The following ST6GALNAC1 variants were observed in gnomAD, a reference collection of about 807,000 sequenced individuals.
ST6GALNAC1 encodes alpha-N-acetylgalactosaminide alpha-2,6-sialyltransferase 1.
A neutral mutation model predicts 56.8 loss-of-function variants in ST6GALNAC1; 45 were observed. The observed-to-expected ratio is 0.79, with a 90% confidence interval of 0.62 to 1.02. The LOEUF (loss-of-function observed/expected upper bound fraction) is 1.02, where lower values mean the gene tolerates loss of function less well. Ranked by LOEUF, ST6GALNAC1 falls within the 50% of genes least tolerant of loss-of-function variation. ST6GALNAC1 has a pLI of 0.00. For missense variants in ST6GALNAC1, 743 were observed against 754.8 expected (o/e 0.98, Z 0.18); for synonymous variants, 295 against 297.8 (o/e 0.99, Z 0.10).
rs763735455 is a variant in ST6GALNAC1, at chr17:76,627,569, A to G, written c.846T>C (p.Ser282=). 6.2e-7 allele frequency: 1 copy of G among 1,614,126 alleles called. No homozygotes were observed. The highest frequency in any genetic ancestry group is 1.1e-5 in the South Asian group (1 of 91,074). The change falls in exon 3 of 9, where the codon TCT becomes TCC. Residue 282 remains serine, a synonymous_variant. Transcript: ENST00000156626. This position sits in a 1 kb window ranked among gnomAD's most constrained non-coding sequence, Gnocchi z 4.4. ...GCGACTTGGAGGCTTTGATCTTCAC[A>G]GAGTCAGGGCAAGTCTATATACAGG... The part of the protein sequence containing the change: ...IGGLQTTCPD[S]VKIKASKSLW...
chr17:76,639,841 G>A (rs1468072410), intron 1 of ST6GALNAC1, among the ~76,000 whole-genome samples: 2 of 151,820 alleles, frequency 1.3e-5, no homozygotes, highest in Non-Finnish European at 2.9e-5. Context: ...GGAGAGAGGC[G>A]GGCAGTAAAA....
chr17:76,626,847 G>A, intron 4 of ST6GALNAC1, 58 bp from the exon 5 acceptor site: 1 of 1,596,928 alleles, frequency 6.3e-7, no homozygotes, highest in Non-Finnish European at 8.6e-7. Flanking sequence ...GATTTGTGTA[G>A]GTGGATGGGG....
chr17:76,637,167 A>G (rs62085072), intron 1 of ST6GALNAC1, among the ~76,000 whole-genome samples: 46,896 of 149,918 alleles, frequency 0.31, 8,023 homozygotes, highest in East Asian at 0.57. Flanking sequence ...GGAAAACCAG[A>G]GACCTTTGTT....
At position 76,628,318 on chromosome 17, in the gene ST6GALNAC1, G is replaced by A. The variant is rs893646369; in HGVS notation, c.831+694C>T. 2.3e-5 allele frequency among the ~76,000 whole-genome samples: 3 copies of A among 131,690 alleles called. No individual in the cohort carries two copies. The East Asian group carries it at 7.4e-4, about 33-fold the overall frequency. The allele number at this position is 131,690 out of a possible 152,430, so 86.4% of individuals were successfully genotyped here. On this transcript the variant is annotated intron_variant, in intron 2 of 8. Coordinates refer to ENST00000156626, the MANE Select transcript of ST6GALNAC1 (RefSeq NM_018414.5). ...TCTTTCCTTCCTTCCTTCCGACAGG[G>A]TCTCACTCTGTTGCCCAGGCGGGAG...
At chr17:76,624,213 C>CTATTTATT (rs781114561), downstream of ST6GALNAC1, among the ~76,000 whole-genome samples, 1 of 151,878 alleles carries the variant, frequency 6.6e-6, no homozygotes, top group African/African-American at 2.4e-5. Flanking sequence ...GTCCTTTATT[C>CTATTTATT]TATTTATTTA....
intron 1 of ST6GALNAC1, among the ~76,000 whole-genome samples, chr17:76,636,326 G>T (rs751871435): frequency 2.0e-5 from 3 of 152,120 alleles, no homozygotes; most frequent in Non-Finnish European, 4.4e-5. Flanking sequence ...AAGTTATGAG[G>T]GGGAAGGACT....
rs1296633228 is a variant in ST6GALNAC1, at chr17:76,629,480, C to A, written c.363G>T (p.Arg121Ser). 1.2e-6 allele frequency: 2 copies of A among 1,614,054 alleles called. No homozygotes were observed. The highest frequency in any genetic ancestry group is 3.3e-5 in the Admixed American group (2 of 60,012). Reference sequence around the variant, plus strand: ...CTTTTTCTGGGCTCTTCCATGCTGCCCTCTGTGCTGTGTGGGGCACCTTGT... The same window carrying A: ...CTTTTTCTGGGCTCTTCCATGCTGCACTCTGTGCTGTGTGGGGCACCTTGT... ...EQDKVPHTAQRAAWKSPEKEK... is the reference protein window; with the variant it reads ...EQDKVPHTAQSAAWKSPEKEK... Residue 121 changes from arginine (R) to serine (S), a missense_variant, in exon 2 of 9, where the codon AGG becomes AGT. Physicochemically the swap from Arg to Ser is moderately radical, Grantham distance 110. Transcript: ENST00000156626.
chr17:76,643,530 C>T lies in ST6GALNAC1; in HGVS notation c.109G>A (p.Glu37Lys), dbSNP rs2076075674. ...FLFALPSFIK[E>K]PQTKPSRHQR... ...TACCTGGAAGGCTTTGTTTGAGGCT[C>T]CTTAATAAAAGAGGGCAAGGCGAAG... The change falls in exon 1 of 9, where the codon GAG (glutamate) becomes AAG (lysine). Residue 37 changes from glutamate to lysine, a missense_variant. Glu to Lys is a moderately conservative substitution (Grantham distance 56, BLOSUM62 1). Transcript: ENST00000156626. The T allele has an allele frequency of 6.2e-7, 1 of 1,614,078 alleles. No individual in the cohort carries two copies. The highest frequency in any genetic ancestry group is 8.5e-7 in the Non-Finnish European group (1 of 1,179,984).
chr17:76,620,757 A>G (rs1398891893), downstream of ST6GALNAC1, among the ~76,000 whole-genome samples: 1 of 150,524 alleles, frequency 6.6e-6, no homozygotes, highest in African/African-American at 2.4e-5. Flanking sequence ...TTTAATTTTT[A>G]TTTTGTATTT....
the ST6GALNAC1 span, among the ~76,000 whole-genome samples, chr17:76,618,090 G>C: frequency 6.6e-6 from 1 of 152,150 alleles, no homozygotes; most frequent in African/African-American, 2.4e-5. Flanking sequence ...AGCAGCCAAG[G>C]TTTCCCCGTT....
rs1185397892 is a variant in ST6GALNAC1 at position 76,629,404 on chromosome 17, C to A, written c.439G>T (p.Ala147Ser). 1.2e-6 allele frequency: 2 copies of A among 1,614,052 alleles called. No homozygotes were observed. The highest frequency in any genetic ancestry group is 1.7e-6 in the Non-Finnish European group (2 of 1,180,028). The change falls in exon 2 of 9, where the codon GCC becomes TCC. Residue 147 changes from alanine (A) to serine (S), a missense_variant. By Grantham distance (99) the Ala-to-Ser change is moderately conservative. Transcript: ENST00000156626. ...LSPRGQDAGM[A>S]SGRTEAQSWK... ...GATTGTGCCTCTGTCCTGCCAGAGG[C>A]CATCCCTGCATCTTGCCCTCTGGGT... is the stretch of plus-strand genomic sequence containing the variant.
In ST6GALNAC1 at chr17:76,627,295, C is replaced by T; in HGVS notation, c.1001-57G>A. The T allele has an allele frequency of 6.4e-7, 1 of 1,555,060 alleles. No homozygotes were observed. The highest frequency in any genetic ancestry group is 8.7e-7 in the Non-Finnish European group (1 of 1,149,680). On this transcript the variant is annotated intron_variant, in intron 3 of 8. Transcript: ENST00000156626. This position sits in a 1 kb window ranked among gnomAD's most constrained non-coding sequence, Gnocchi z 4.4. ...GCCCTGGGAGGGACAGGAGTCCGACCCATCATTCCTCCCAGGTCTGGCAAA... is the reference window on the plus strand; with the variant it reads ...GCCCTGGGAGGGACAGGAGTCCGACTCATCATTCCTCCCAGGTCTGGCAAA...
intron 1 of ST6GALNAC1, among the ~76,000 whole-genome samples, chr17:76,639,923 C>T (rs556562455): frequency 9.2e-5 from 14 of 152,068 alleles, no homozygotes; most frequent in African/African-American, 2.7e-4. Flanking sequence ...TAAGTGAGCG[C>T]CTGTCTTGGA....
At chr17:76,629,738 A>C (rs2075865457) in intron 1 of ST6GALNAC1, 27 bp from the exon 2 acceptor site, 1 of 1,549,958 alleles carries the variant, frequency 6.5e-7, no homozygotes, top group Non-Finnish European at 8.8e-7. Flanking sequence ...CCTTTGATGA[A>C]GGCTGAAGAT....
At position 76,627,100 on chromosome 17, in the gene ST6GALNAC1, C is replaced by A. The variant is rs547954988; in HGVS notation, c.1139G>T (p.Gly380Val). ...NGGILNNSHM[G>V]QEIDSHDYVF... ...GTAGTCGTGACTGTCTATCTCCTGG[C>A]CCATGTGGGAGTTGTTCAGGATGCC... The change falls in exon 4 of 9, where the codon GGC becomes GTC. Residue 380 changes from glycine to valine, a missense_variant. By Grantham distance (109) the Gly-to-Val change is moderately radical. Coordinates refer to ENST00000156626, the MANE Select transcript of ST6GALNAC1 (RefSeq NM_018414.5). The surrounding 1 kb of genome is among the most constrained non-coding windows in gnomAD (Gnocchi z 4.4). The A allele has an allele frequency of 1.9e-6, 3 of 1,574,598 alleles. No homozygotes were observed. Among genetic ancestry groups the A allele is most frequent in the Admixed American group, 3.7e-5 (2 of 54,244 alleles).
At chr17:76,633,340 A>G (rs145921307) in intron 1 of ST6GALNAC1, among the ~76,000 whole-genome samples, 9,478 of 152,036 alleles carry the variant, frequency 0.062, 513 homozygotes, top group East Asian at 0.15. Flanking sequence ...GAGAAACCCC[A>G]TCTCTACTAA....
downstream of ST6GALNAC1, among the ~76,000 whole-genome samples, chr17:76,620,124 T>C (rs997255633): frequency 5.3e-5 from 8 of 152,134 alleles, no homozygotes; most frequent in African/African-American, 1.9e-4. Context: ...CATTGCAACC[T>C]CTGCCCCTCG....
chr17:76,621,169 T>C (rs150781319), downstream of ST6GALNAC1, among the ~76,000 whole-genome samples: 3,480 of 132,396 alleles, frequency 0.026, 130 homozygotes, highest in African/African-American at 0.077. Flanking sequence ...TCTTCTCTTT[T>C]CTTTCTTTCT....
chr17:76,638,645 C>T (rs1297696504), intron 1 of ST6GALNAC1, among the ~76,000 whole-genome samples: 1 of 151,996 alleles, frequency 6.6e-6, no homozygotes, highest in Non-Finnish European at 1.5e-5. Context: ...CTGTGGCATG[C>T]TCTCGGCTCA....
Sources: gnomAD v4.1 joint callset for allele counts (sites outside exome capture counted in the v4.1 genomes callset) on GRCh38, gnomAD v4.1.1 for gene constraint, Gnocchi (gnomAD v3.1) non-coding constraint, MANE v1.5 for transcripts, NCBI Gene and HGNC (gene_info 2026-07-23, HGNC 2026-07-21) for gene names.